The following EML4 variants were observed in gnomAD, a reference collection of about 807,000 sequenced individuals.
EML4 encodes the protein EMAP like 4, also known as echinoderm microtubule-associated protein-like 4.
Under a neutral mutation model 129.0 loss-of-function variants are expected in EML4, and 72 were observed. The observed-to-expected ratio is 0.56, with a 90% CI of 0.46 to 0.68. The LOEUF (loss-of-function observed/expected upper bound fraction) is 0.68. EML4 is among the 30% of genes least tolerant of loss of function. The probability of loss-of-function intolerance (pLI) is 0.00; values close to 1 mark genes in which losing one functional copy is unlikely to be tolerated. For missense variants in EML4, 1,363 were observed against 1,190.6 expected (o/e 1.14, Z -2.13); for synonymous variants, 532 against 405.0 (o/e 1.31, Z -3.77).
At chr2:42,208,588 C>T (rs1203296313) in intron 1 of EML4, among the ~76,000 whole-genome samples, 5 of 151,582 alleles carry the variant, frequency 3.3e-5, no homozygotes, top group African/African-American at 7.3e-5. Context: ...CACCTGCCAC[C>T]GCACCCGGCT....
In EML4 at chr2:42,202,475, G is replaced by A. The variant is rs374457388; in HGVS notation, c.25+32839G>A. 9.9e-5 allele frequency among the ~76,000 whole-genome samples: 15 copies of A among 152,268 alleles called. No homozygotes were observed. The South Asian group carries it at 3.1e-3, about 32-fold the overall frequency. On this transcript the variant is annotated intron_variant, in intron 1 of 22. Transcript: ENST00000318522. ...AACAGGATACATGTATATATAAAAG[G>A]GAGTTTATTAAGGAATATTGACTCA... is the stretch of plus-strand genomic sequence containing the variant.
intron 3 of EML4, among the ~76,000 whole-genome samples, chr2:42,259,890 C>T (rs1665615053): frequency 6.6e-6 from 1 of 151,720 alleles, no homozygotes; most frequent in Non-Finnish European, 1.5e-5. Flanking sequence ...CCACCACACC[C>T]AGCTAATTTT....
Position 42,325,571 on chromosome 2 carries a change from T to TATATATA in EML4, c.2242+17_2242+18insATATATA. 2.0e-6 allele frequency: 1 copy of TATATATA among 488,256 alleles called. No homozygotes were observed. Among genetic ancestry groups the TATATATA allele is most frequent in the South Asian group, 2.8e-5 (1 of 35,680 alleles). 30.2% of individuals were successfully genotyped at this position (488,256 alleles called of 1,614,324 possible). A position where few individuals can be genotyped will look rare whatever the true frequency, so the allele number is the denominator to read the frequency against. On this transcript the variant is annotated intron_variant, in intron 20 of 22. Transcript: ENST00000318522. ...TATTGTACTGTAAGTATGAATGATT[T>TATATATA]TATATATATATATATATGCTATGAT...
chr2:42,194,237 G>A (rs1429913447), intron 1 of EML4, among the ~76,000 whole-genome samples: 1 of 151,766 alleles, frequency 6.6e-6, no homozygotes, highest in Non-Finnish European at 1.5e-5. Context: ...ATAAGATTAG[G>A]CAAAGTATAT....
intron 9 of EML4, 135 bp downstream of exon 9, chr2:42,284,838 G>A (rs1357487418): frequency 1.9e-6 from 1 of 537,116 alleles, no homozygotes. Context: ...GTATAAGCAT[G>A]GAAAAAACAT....
intron 2 of EML4, among the ~76,000 whole-genome samples, chr2:42,250,554 A>G (rs1675702211): frequency 6.6e-6 from 1 of 152,132 alleles, no homozygotes; most frequent in Admixed American, 6.6e-5. Context: ...CTTAACAGGG[A>G]TACTTTCTGA....
At chr2:42,211,590 T>C (rs1672888495) in intron 1 of EML4, among the ~76,000 whole-genome samples, 1 of 152,228 alleles carries the variant, frequency 6.6e-6, no homozygotes, top group Non-Finnish European at 1.5e-5. Flanking sequence ...TGAAAGGACT[T>C]GGATGTTTTA....
intron 5 of EML4, among the ~76,000 whole-genome samples, chr2:42,263,695 G>T (rs1248154514): frequency 1.3e-5 from 2 of 151,314 alleles, no homozygotes; most frequent in Non-Finnish European, 2.9e-5. Context: ...GAGCCACCAC[G>T]CCTGGCCTTG....
At chr2:42,198,816 TTG>T (rs1185205776) in intron 1 of EML4, among the ~76,000 whole-genome samples, 2 of 152,182 alleles carry the variant, frequency 1.3e-5, no homozygotes, top group Non-Finnish European at 2.9e-5. Flanking sequence ...GTGGTTTCTG[TTG>T]TGTGTATGTA....
chr2:42,251,331 G>A (rs1158859506), intron 2 of EML4, among the ~76,000 whole-genome samples: 1 of 152,228 alleles, frequency 6.6e-6, no homozygotes, highest in East Asian at 1.9e-4. Flanking sequence ...AGTCCATCGT[G>A]GAACAAGACA....
intron 13 of EML4, among the ~76,000 whole-genome samples, chr2:42,298,827 T>G (rs1572713889): frequency 6.6e-6 from 1 of 152,188 alleles, no homozygotes; most frequent in East Asian, 1.9e-4. Context: ...GATAGAGAAC[T>G]ATGAAACTCC....
At chr2:42,290,706 A>AGGG (rs1198963083) in intron 11 of EML4, among the ~76,000 whole-genome samples, 1 of 152,172 alleles carries the variant, frequency 6.6e-6, no homozygotes, top group Non-Finnish European at 1.5e-5. Flanking sequence ...CACTGCAGCC[A>AGGG]GGGGAACAGA....
Position 42,330,842 on chromosome 2 carries a change from C to T in EML4, c.*635C>T, listed in dbSNP as rs1670066708. 1 of 209,454 alleles carries T rather than the reference C, an allele frequency of 4.8e-6. No homozygotes were observed. Among genetic ancestry groups the T allele is most frequent in the Non-Finnish European group, 9.8e-6 (1 of 102,384 alleles). The allele number at this position is 209,454 out of a possible 1,614,324, so 13.0% of individuals were successfully genotyped here. A position where few individuals can be genotyped will look rare whatever the true frequency, so the allele number is the denominator to read the frequency against. Reference sequence around the variant, plus strand: ...TAGAGAGGTGCTGCCTTTTCTAAGTCATAATGAGGAACAGTCCCTTAATTT... The same window carrying T: ...TAGAGAGGTGCTGCCTTTTCTAAGTTATAATGAGGAACAGTCCCTTAATTT... On this transcript the variant is annotated 3_prime_UTR_variant, in exon 23 of 23. Transcript: ENST00000318522.
At chr2:42,222,109 A>G (rs184907436) in intron 1 of EML4, among the ~76,000 whole-genome samples, 4 of 152,176 alleles carry the variant, frequency 2.6e-5, no homozygotes, top group South Asian at 2.1e-4. Flanking sequence ...TTAACACACC[A>G]GTGATTTCTG....
intron 1 of EML4, among the ~76,000 whole-genome samples, chr2:42,179,269 T>TTG (rs1442873184): frequency 4.0e-5 from 6 of 151,688 alleles, no homozygotes; most frequent in Admixed American, 3.3e-4. Context: ...CTGGGTTTTT[T>TTG]TTTTTTTTTT....
At chr2:42,221,162 TA>T (rs1321018883) in intron 1 of EML4, among the ~76,000 whole-genome samples, 1 of 152,058 alleles carries the variant, frequency 6.6e-6, no homozygotes, top group Non-Finnish European at 1.5e-5. Context: ...CACTGTCTTA[TA>T]TTAGAAAAAG....
At chr2:42,201,254 T>C (rs1009745731) in intron 1 of EML4, among the ~76,000 whole-genome samples, 7 of 152,220 alleles carry the variant, frequency 4.6e-5, no homozygotes, top group Non-Finnish European at 1.0e-4. Context: ...AGAATCTGTT[T>C]GATGTACTTT....
intron 1 of EML4, among the ~76,000 whole-genome samples, chr2:42,239,023 C>T (rs891808558): frequency 6.6e-6 from 1 of 152,118 alleles, no homozygotes; most frequent in African/African-American, 2.4e-5. Context: ...CCTGCCTCAA[C>T]GTCTCAAAAG....
At chr2:42,312,876 C>CT (rs1669038756) in intron 17 of EML4, among the ~76,000 whole-genome samples, 1 of 147,126 alleles carries the variant, frequency 6.8e-6, no homozygotes, top group Admixed American at 6.9e-5. Context: ...ACTTTTAAAT[C>CT]TGCCTATAAC....
Sources: allele counts gnomAD v4.1 joint callset (sites outside exome capture counted in the v4.1 genomes callset), GRCh38; gene constraint gnomAD v4.1.1; transcripts MANE v1.5; gene names NCBI Gene and HGNC (gene_info 2026-07-23, HGNC 2026-07-21).